Variants in AKT1 observed in about 807,000 individuals in gnomAD.
AKT1 encodes AKT serine/threonine kinase 1.
A neutral mutation model predicts 63.1 loss-of-function variants in AKT1; 21 were observed. The ratio of observed to expected loss-of-function variants is 0.33; its 90% CI spans 0.24 to 0.48. The LOEUF (loss-of-function observed/expected upper bound fraction) is 0.48, where lower values mean the gene tolerates loss of function less well. Ranked by LOEUF, AKT1 falls within the 20% of genes least tolerant of loss-of-function variation. The pLI is 0.99. For synonymous variants in AKT1, 257 were observed against 253.1 expected (o/e 1.02, Z -0.15); for missense variants, 382 against 666.0 (o/e 0.57, Z 4.69).
At chr14:104,779,967 T>G in intron 4 of AKT1, 121 bp downstream of exon 4, 1 of 1,407,470 alleles carries the variant, frequency 7.1e-7, no homozygotes. Context: ...AGCCAGTGCT[T>G]GTTGCTTGCC....
At chr14:104,777,535 A>G in intron 4 of AKT1, 4 of 1,010,858 alleles carry the variant, frequency 4.0e-6, no homozygotes, top group Non-Finnish European at 4.7e-6. Context: ...GCACAGCCAC[A>G]CCTGGGGCAC....
At chr14:104,793,494 G>T (rs989695952) in intron 1 of AKT1, 190 bp from the exon 2 acceptor site, 1 of 184,936 alleles carries the variant, frequency 5.4e-6, no homozygotes. Context: ...TGTACCGGGC[G>T]TCTCAGGTTT....
chr14:104,787,884 G>A (rs941945810), intron 3 of AKT1, among the ~76,000 whole-genome samples: 4 of 152,180 alleles, frequency 2.6e-5, no homozygotes, highest in Non-Finnish European at 5.9e-5. Flanking sequence ...AGGCCACCTC[G>A]GCTTCCTCTT....
At chr14:104,777,822 G>C in intron 4 of AKT1, 1 of 654,590 alleles carries the variant, frequency 1.5e-6, no homozygotes, top group South Asian at 6.8e-5. Context: ...GGGCCAGGAG[G>C]GGGCTCGGGA....
At chr14:104,773,745 A>G (rs1383276029) in intron 9 of AKT1, 165 bp from the exon 10 acceptor site, 7 of 1,241,330 alleles carry the variant, frequency 5.6e-6, no homozygotes, top group Non-Finnish European at 5.6e-6. Context: ...CTCAGCAGGA[A>G]CAAGTCACCC....
At position 104,774,915 on chromosome 14, in the gene AKT1, G is replaced by T. The variant is rs773697505; in HGVS notation, c.633+23C>A. ...GTCGCTACCTGGCCCCAGCCCTTCAGCCCCATCTGGGCTCCCACTCACTGT... is the reference window on the plus strand; with the variant it reads ...GTCGCTACCTGGCCCCAGCCCTTCATCCCCATCTGGGCTCCCACTCACTGT... On this transcript the variant is annotated intron_variant, in intron 8 of 14. Coordinates refer to ENST00000649815, the MANE Select transcript of AKT1 (RefSeq NM_001382430.1). 15 of 1,604,752 alleles carry T rather than the reference G, an allele frequency of 9.3e-6. No homozygotes were observed. In the African/African-American group the frequency reaches 2.0e-4, roughly 22 times the overall value.
chr14:104,782,104 C>T, intron 3 of AKT1, among the ~76,000 whole-genome samples: 1 of 152,058 alleles, frequency 6.6e-6, no homozygotes. Context: ...GCCACAGGGC[C>T]CCTGCAGGTG....
chr14:104,794,870 AAGC>A (rs1362873430), intron 1 of AKT1: 2 of 152,448 alleles, frequency 1.3e-5, no homozygotes, highest in African/African-American at 4.8e-5. Flanking sequence ...TCTAAGGGGC[AAGC>A]CCCAGCTGCC....
intron 3 of AKT1, among the ~76,000 whole-genome samples, chr14:104,788,209 G>A (rs768471895): frequency 1.2e-4 from 18 of 152,128 alleles, no homozygotes; most frequent in African/African-American, 4.1e-4. Flanking sequence ...CCACCTAGAC[G>A]CAGCCTGGGG....
chr14:104,770,331 C>T lies in AKT1; in HGVS notation c.*10G>A, dbSNP rs752606488. The T allele has an allele frequency of 6.2e-7, 1 of 1,606,830 alleles. No homozygotes were observed. The highest frequency in any genetic ancestry group is 8.5e-7 in the Non-Finnish European group (1 of 1,178,370). ...CTCCAAGCTATCGTCCAGCGCAGTC[C>T]ACCGCCGCCTCAGGCCGTGCCGCTG... On this transcript the variant is annotated 3_prime_UTR_variant, in exon 15 of 15. Transcript: ENST00000649815.
intron 4 of AKT1, chr14:104,778,480 G>A (rs1892854691): frequency 6.6e-6 from 1 of 152,336 alleles, no homozygotes; most frequent in Admixed American, 6.5e-5. Context: ...GGAAGAGCCA[G>A]GGAAGGAGAC....
Position 104,773,284 on chromosome 14 carries a change from G to A in AKT1, c.924C>T (p.Thr308=), listed in dbSNP as rs1892503739. Residue 308 remains threonine (T), a synonymous_variant, in exon 11 of 15, where the codon ACC becomes ACT. Coordinates refer to ENST00000649815, the MANE Select transcript of AKT1 (RefSeq NM_001382430.1). ...CCAGGTACTCAGGTGTGCCGCAAAA[G>A]GTCTTCATGGTGGCACCGTCCTTGA... The part of the protein sequence containing the change: ...EGIKDGATMK[T]FCGTPEYLAP... The A allele has an allele frequency of 6.2e-7, 1 of 1,614,204 alleles. No individual in the cohort carries two copies. The highest frequency in any genetic ancestry group is 8.5e-7 in the Non-Finnish European group (1 of 1,180,016).
chr14:104,775,395 G>C, intron 6 of AKT1, 188 bp from the exon 7 acceptor site: 3 of 1,189,206 alleles, frequency 2.5e-6, no homozygotes, highest in Non-Finnish European at 3.4e-6. Context: ...TGCGGCCCCA[G>C]CTCAGAGCAT....
rs1892524777 is a variant in AKT1 at position 104,773,549 on chromosome 14, AAC to A, written c.732_733del (p.Phe245LeufsTer11). On this transcript the variant is annotated frameshift_variant, in exon 10 of 15. Coordinates refer to ENST00000649815, the MANE Select transcript of AKT1 (RefSeq NM_001382430.1). LOFTEE classifies it high-confidence loss of function. ...ATAGAAGCGGGCCCGGTCCTCGGAG[AAC>A]ACACGCTCCCGGGACAGGTGGAAGA... 6.2e-7 allele frequency: 1 copy of A among 1,610,810 alleles called. No individual in the cohort carries two copies.
At chr14:104,793,610 G>A (rs1304038490) in intron 1 of AKT1, 3 of 172,046 alleles carry the variant, frequency 1.7e-5, no homozygotes, top group Non-Finnish European at 2.5e-5. Flanking sequence ...TACAGCAGTC[G>A]GGAGGCAGCA....
chr14:104,774,211 T>A, intron 8 of AKT1: 1 of 495,368 alleles, frequency 2.0e-6, no homozygotes, highest in Non-Finnish European at 3.7e-6. Flanking sequence ...CACATCACAC[T>A]GCCCCCATGC....
chr14:104,776,960 C>T (rs751751187), intron 4 of AKT1, 190 bp from the exon 5 acceptor site: 19 of 566,040 alleles, frequency 3.4e-5, no homozygotes, highest in Non-Finnish European at 5.4e-5. Flanking sequence ...TGTTCCAGCT[C>T]AGACACTCTA....
intron 6 of AKT1, 99 bp from the exon 7 acceptor site, chr14:104,775,306 A>C (rs1892639117): frequency 6.4e-7 from 1 of 1,568,710 alleles, no homozygotes; most frequent in Admixed American, 1.8e-5. Flanking sequence ...TCGGAGGCAG[A>C]GCCAGGAGAG....
At position 104,776,469 on chromosome 14, in the gene AKT1, C is replaced by T. The variant is rs1008823561; in HGVS notation, c.287+190G>A. 8 of 540,450 alleles carry T rather than the reference C, an allele frequency of 1.5e-5. No homozygotes were observed. The South Asian group carries it at 1.9e-4, about 13-fold the overall frequency. The allele number at this position is 540,450 out of a possible 1,614,324, so 33.5% of individuals were successfully genotyped here. Reference sequence around the variant, plus strand: ...GTCCCTAGCCAGTTTTTATCTCCAGCCTCAGTTTCCCCACCCAAACCCCAC... The same window carrying T: ...GTCCCTAGCCAGTTTTTATCTCCAGTCTCAGTTTCCCCACCCAAACCCCAC... On this transcript the variant is annotated intron_variant, in intron 5 of 14. Transcript: ENST00000649815.
Sources: allele counts gnomAD v4.1 joint callset (sites outside exome capture counted in the v4.1 genomes callset), GRCh38; gene constraint gnomAD v4.1.1; transcripts MANE v1.5; gene names NCBI Gene and HGNC (gene_info 2026-07-23, HGNC 2026-07-21).